The following RANBP17 variants were observed in gnomAD, a reference collection of about 807,000 sequenced individuals.
RANBP17 encodes RAN binding protein 17.
RANBP17 carries 158 observed loss-of-function variants against 141.2 expected under a neutral mutation model. The observed-to-expected ratio is 1.12, with a 90% CI of 0.98 to 1.28. The LOEUF is 1.28. Among genes scored for constraint, RANBP17 ranks in the 50% most tolerant of loss-of-function variants. The pLI, the probability that RANBP17 is intolerant of heterozygous loss-of-function variation, is 0.00. For synonymous variants in RANBP17, 430 were observed against 450.0 expected, an observed-to-expected ratio of 0.96 and a Z score of 0.56; for missense variants, 1,438 against 1,290.7, an observed-to-expected ratio of 1.11 and a Z score of -1.75.
chr5:170,958,630 CTATAAGTTA>C (rs962981087), intron 13 of RANBP17, among the ~76,000 whole-genome samples: 7 of 152,136 alleles, frequency 4.6e-5, no homozygotes, highest in African/African-American at 1.7e-4. Flanking sequence ...CTGTGACTTT[CTATAAGTTA>C]TATATAATAG....
At chr5:170,915,374 T>C (rs1356454720) in intron 8 of RANBP17, among the ~76,000 whole-genome samples, 1 of 152,042 alleles carries the variant, frequency 6.6e-6, no homozygotes, top group Non-Finnish European at 1.5e-5. Context: ...CAGACCCAGA[T>C]TGACTAAGTG....
intron 14 of RANBP17, among the ~76,000 whole-genome samples, chr5:170,972,452 G>C (rs1417689602): frequency 6.6e-6 from 1 of 152,024 alleles, no homozygotes. Flanking sequence ...CCTGAGTGTT[G>C]CAATTACAGG....
At chr5:171,013,883 T>G (rs1043243019) in intron 14 of RANBP17, among the ~76,000 whole-genome samples, 1 of 152,086 alleles carries the variant, frequency 6.6e-6, no homozygotes, top group Non-Finnish European at 1.5e-5. Context: ...TATTGAGGGT[T>G]TTTGTATTCT....
At chr5:171,236,370 A>G (rs1386465105) in intron 22 of RANBP17, among the ~76,000 whole-genome samples, 1 of 152,206 alleles carries the variant, frequency 6.6e-6, no homozygotes, top group Non-Finnish European at 1.5e-5. Flanking sequence ...ACGGTGGTAT[A>G]TCTTATCCCT....
intron 13 of RANBP17, among the ~76,000 whole-genome samples, chr5:170,966,841 C>T (rs1776601106): frequency 6.6e-6 from 1 of 152,048 alleles, no homozygotes; most frequent in Non-Finnish European, 1.5e-5. Context: ...GCAACTTCAG[C>T]AAAGTCTCAG....
At chr5:171,297,846 C>CTTTTTTTTTTTTTT (rs71310040) in intron 27 of RANBP17, among the ~76,000 whole-genome samples, 1 of 67,472 alleles carries the variant, frequency 1.5e-5, no homozygotes, top group Non-Finnish European at 2.9e-5. Flanking sequence ...CCAATAAATT[C>CTTTTTTTTTTTTTT]TTTTTTTTTT....
At chr5:171,222,733 T>C (rs1192786736) in intron 22 of RANBP17, among the ~76,000 whole-genome samples, 5 of 152,108 alleles carry the variant, frequency 3.3e-5, no homozygotes, top group African/African-American at 1.2e-4. Context: ...CAGGCTCAGG[T>C]GATCCTCCCA....
chr5:170,986,438 AC>A (rs549160437), intron 14 of RANBP17, among the ~76,000 whole-genome samples: 503 of 152,078 alleles, frequency 3.3e-3, no homozygotes, highest in Non-Finnish European at 5.5e-3. Flanking sequence ...AAATCACTAA[AC>A]AAGTAGAATT....
At chr5:171,158,411 G>A (rs755049783) in intron 14 of RANBP17, 8 of 192,882 alleles carry the variant, frequency 4.1e-5, no homozygotes, top group Non-Finnish European at 8.7e-5. Context: ...TTTGAAACAA[G>A]TTTCTCCTAT....
intron 14 of RANBP17, among the ~76,000 whole-genome samples, chr5:171,145,197 C>T (rs958290936): frequency 1.3e-5 from 2 of 152,136 alleles, no homozygotes; most frequent in Non-Finnish European, 2.9e-5. Context: ...AGCAGTGGTT[C>T]CTAAGAAACC....
intron 12 of RANBP17, among the ~76,000 whole-genome samples, chr5:170,951,589 G>A (rs1022127519): frequency 3.9e-5 from 6 of 152,158 alleles, no homozygotes; most frequent in African/African-American, 1.4e-4. Context: ...AGAAGCTAGG[G>A]GCATGGGGGT....
At chr5:171,062,503 C>T (rs1226104724) in intron 14 of RANBP17, among the ~76,000 whole-genome samples, 1 of 152,154 alleles carries the variant, frequency 6.6e-6, no homozygotes, top group Non-Finnish European at 1.5e-5. Flanking sequence ...TCTCTTCTGG[C>T]TTGTAGAGTT....
At chr5:171,125,571 A>G (rs1756390305) in intron 14 of RANBP17, among the ~76,000 whole-genome samples, 1 of 152,174 alleles carries the variant, frequency 6.6e-6, no homozygotes, top group Admixed American at 6.5e-5. Flanking sequence ...CTATTATTGT[A>G]TTGGTGTTTA....
chr5:170,933,065 A>G (rs1435908181), intron 12 of RANBP17, among the ~76,000 whole-genome samples: 1 of 152,098 alleles, frequency 6.6e-6, no homozygotes, highest in East Asian at 1.9e-4. Context: ...TTGGTAGGCT[A>G]TTAATTATTG....
chr5:170,933,247 C>T (rs1003335281), intron 12 of RANBP17, among the ~76,000 whole-genome samples: 2 of 152,078 alleles, frequency 1.3e-5, no homozygotes, highest in African/African-American at 2.4e-5. Flanking sequence ...TCTGTGGGAT[C>T]AGTTGTGATA....
At chr5:171,235,774 T>C (rs969690211) in intron 22 of RANBP17, among the ~76,000 whole-genome samples, 1 of 151,956 alleles carries the variant, frequency 6.6e-6, no homozygotes. Context: ...GCTAATTTTT[T>C]GTAGAGATGG....
intron 14 of RANBP17, among the ~76,000 whole-genome samples, chr5:171,034,567 C>A (rs573557954): frequency 6.6e-6 from 1 of 152,306 alleles, no homozygotes; most frequent in Admixed American, 6.5e-5. Flanking sequence ...CAACTTCTTT[C>A]CATGCTTGCC....
At position 170,862,025 on chromosome 5, in the gene RANBP17, C is replaced by A. The variant is rs550500951; in HGVS notation, c.-9C>A. 1.9e-4 allele frequency: 278 copies of A among 1,460,366 alleles called. No homozygotes were observed. The African/African-American group carries it at 3.7e-3, about 19-fold the overall frequency. 90.5% of individuals were successfully genotyped at this position (1,460,366 alleles called of 1,614,324 possible). On this transcript the variant is annotated 5_prime_UTR_variant, in exon 1 of 28. Coordinates refer to ENST00000523189, the MANE Select transcript of RANBP17 (RefSeq NM_022897.5). Reference sequence around the variant, plus strand: ...ACCGGCCGGCTGGCCGGCGCCGCCTCCTGGGAAGATGGCGCTGCACTTCCA... The same window carrying A: ...ACCGGCCGGCTGGCCGGCGCCGCCTACTGGGAAGATGGCGCTGCACTTCCA...
chr5:170,958,136 G>A (rs1775870922), intron 13 of RANBP17, among the ~76,000 whole-genome samples: 1 of 152,158 alleles, frequency 6.6e-6, no homozygotes, highest in African/African-American at 2.4e-5. Context: ...ACTCATGACT[G>A]GGGGAGTAAG....
Sources: gnomAD v4.1 joint callset for allele counts (sites outside exome capture counted in the v4.1 genomes callset) on GRCh38, gnomAD v4.1.1 for gene constraint, MANE v1.5 for transcripts, NCBI Gene and HGNC (gene_info 2026-07-23, HGNC 2026-07-21) for gene names.